XRCC4: variants seen among roughly 807,000 people sequenced by gnomAD.
XRCC4 encodes the protein X-ray repair cross complementing 4.
A neutral mutation model predicts 39.1 loss-of-function variants in XRCC4; 28 were observed. The ratio of observed to expected loss-of-function variants is 0.72; its 90% CI spans 0.53 to 0.98. The LOEUF (loss-of-function observed/expected upper bound fraction) is 0.98, where lower values mean the gene tolerates loss of function less well. XRCC4 is among the 50% of genes least tolerant of loss of function. The probability of loss-of-function intolerance (pLI) is 0.00; values close to 1 mark genes in which losing one functional copy is unlikely to be tolerated. For synonymous variants in XRCC4, 123 were observed against 126.4 expected (o/e 0.97, Z 0.18); for missense variants, 350 against 376.4 (o/e 0.93, Z 0.58).
chr5:83,353,722 A>G lies in XRCC4; in HGVS notation c.*480A>G, dbSNP rs1307956981. The G allele has an allele frequency of 2.6e-5, 4 of 152,198 alleles. No individual in the cohort carries two copies. The highest frequency in any genetic ancestry group is 6.5e-5 in the Admixed American group (1 of 15,274). The allele number at this position is 152,198 out of a possible 1,614,324, so 9.4% of individuals were successfully genotyped here. On this transcript the variant is annotated 3_prime_UTR_variant, in exon 8 of 8. Coordinates refer to ENST00000396027, the MANE Select transcript of XRCC4 (RefSeq NM_003401.5). ...ATATAATTTTAGTTTGTACATAAAC[A>G]TTGTGAAAATCTGATAATAAAATTT...
intron 3 of XRCC4, among the ~76,000 whole-genome samples, chr5:83,137,286 T>C (rs1181173758): frequency 6.6e-6 from 1 of 152,162 alleles, no homozygotes; most frequent in Non-Finnish European, 1.5e-5. Context: ...TCACTGATGA[T>C]AAATATCACA....
At chr5:83,189,138 A>G (rs147705654) in intron 3 of XRCC4, among the ~76,000 whole-genome samples, 3 of 152,344 alleles carry the variant, frequency 2.0e-5, no homozygotes, top group East Asian at 1.9e-4. Context: ...AAGCCAGGAT[A>G]TATACCCTAA....
At chr5:83,250,935 C>G (rs2112873440) in intron 6 of XRCC4, among the ~76,000 whole-genome samples, 1 of 152,292 alleles carries the variant, frequency 6.6e-6, no homozygotes. Flanking sequence ...TACCTTTGGA[C>G]TATTAAATTA....
intron 1 of XRCC4, among the ~76,000 whole-genome samples, chr5:83,087,998 G>A (rs1047937879): frequency 3.3e-5 from 5 of 152,128 alleles, no homozygotes; most frequent in African/African-American, 1.2e-4. Flanking sequence ...CAAGGCATTG[G>A]AATTGTATTG....
At chr5:83,125,200 T>C (rs1196823420) in intron 3 of XRCC4, among the ~76,000 whole-genome samples, 1 of 152,228 alleles carries the variant, frequency 6.6e-6, no homozygotes, top group Non-Finnish European at 1.5e-5. Context: ...GTATGTGTAA[T>C]GTGAAACTAT....
intron 6 of XRCC4, among the ~76,000 whole-genome samples, chr5:83,233,217 A>G (rs892702353): frequency 6.6e-6 from 1 of 152,206 alleles, no homozygotes; most frequent in Non-Finnish European, 1.5e-5. Flanking sequence ...AGAAACTTTC[A>G]TAGTTTAATA....
rs779962158 is a variant in XRCC4 at position 83,084,408 on chromosome 5, A to G, written c.-11+6793A>G. On this transcript the variant is annotated intron_variant, in intron 1 of 7. Coordinates refer to ENST00000396027, the MANE Select transcript of XRCC4 (RefSeq NM_003401.5). ...GATCAGGGTTCAATTGCAGACAGCAAATTTTTAATGTTGATGAAATTAGGC... is the reference window on the plus strand; with the variant it reads ...GATCAGGGTTCAATTGCAGACAGCAGATTTTTAATGTTGATGAAATTAGGC... 8.5e-5 allele frequency among the ~76,000 whole-genome samples: 13 copies of G among 152,328 alleles called. No homozygotes were observed. In the East Asian group the frequency reaches 9.6e-4, roughly 11 times the overall value.
rs1746481081 is a variant in XRCC4, at chr5:83,112,328, G to A, written c.315+1125G>A. 2.0e-5 allele frequency among the ~76,000 whole-genome samples: 3 copies of A among 152,312 alleles called. No individual in the cohort carries two copies. The South Asian group carries it at 6.2e-4, about 32-fold the overall frequency. ...TGATATTATATGTTACAGAAGTGCA[G>A]ACTCTTCTAATGTTTTGAAGCAGAT... On this transcript the variant is annotated intron_variant, in intron 3 of 7. Transcript: ENST00000396027.
At chr5:83,280,023 C>A in intron 7 of XRCC4, 1 of 198,522 alleles carries the variant, frequency 5.0e-6, no homozygotes. Context: ...TTTACAACTT[C>A]ATCAAAAAAC....
At chr5:83,103,682 A>C (rs1363667269) in intron 1 of XRCC4, among the ~76,000 whole-genome samples, 3 of 152,218 alleles carry the variant, frequency 2.0e-5, no homozygotes, top group East Asian at 3.8e-4. Flanking sequence ...TGGATAAATA[A>C]CCTGTCTTAT....
chr5:83,250,501 G>T (rs28360213), intron 6 of XRCC4, among the ~76,000 whole-genome samples: 4,586 of 152,184 alleles, frequency 0.03, 191 homozygotes, highest in African/African-American at 0.1. Context: ...TCTATCAGTG[G>T]ATAAGACAAA....
chr5:83,366,346 T>C, the XRCC4 span, among the ~76,000 whole-genome samples: 1 of 152,282 alleles, frequency 6.6e-6, no homozygotes, highest in East Asian at 1.9e-4. Flanking sequence ...ACAAGACGGA[T>C]CCTTGATTCA....
chr5:83,243,970 G>A, intron 6 of XRCC4, among the ~76,000 whole-genome samples: 1 of 152,128 alleles, frequency 6.6e-6, no homozygotes, highest in Non-Finnish European at 1.5e-5. Flanking sequence ...ATAGAGAATG[G>A]AGGAAGTAAT....
intron 3 of XRCC4, among the ~76,000 whole-genome samples, chr5:83,135,390 C>CG (rs1393315318): frequency 1.7e-5 from 2 of 115,192 alleles, no homozygotes; most frequent in Non-Finnish European, 3.7e-5. Context: ...AGGCAGTATG[C>CG]CTTTTTTTTT....
intron 3 of XRCC4, among the ~76,000 whole-genome samples, chr5:83,190,795 ACAT>A (rs532297628): frequency 4.1e-4 from 62 of 152,316 alleles, no homozygotes; most frequent in African/African-American, 1.2e-3. Flanking sequence ...ATATAACTAT[ACAT>A]TCTTTAAAAA....
At chr5:83,300,802 T>C (rs185355529) in intron 7 of XRCC4, among the ~76,000 whole-genome samples, 105 of 151,258 alleles carry the variant, frequency 6.9e-4, no homozygotes, top group African/African-American at 2.3e-3. Context: ...ATTGTTCAAC[T>C]TCCACTTATG....
At chr5:83,366,178 T>C in the XRCC4 span, among the ~76,000 whole-genome samples, 1 of 152,216 alleles carries the variant, frequency 6.6e-6, no homozygotes, top group Non-Finnish European at 1.5e-5. Context: ...CAAATATCTC[T>C]AAATCTCCAA....
chr5:83,170,638 G>A (rs1322891563), intron 3 of XRCC4, among the ~76,000 whole-genome samples: 1 of 152,132 alleles, frequency 6.6e-6, no homozygotes, highest in African/African-American at 2.4e-5. Context: ...GCCAGCAACA[G>A]ACAAGTTCCT....
intron 3 of XRCC4, among the ~76,000 whole-genome samples, chr5:83,146,275 G>T (rs1271469750): frequency 6.6e-6 from 1 of 152,158 alleles, no homozygotes; most frequent in East Asian, 1.9e-4. Context: ...GGTGAGATTT[G>T]TGAGACTAAA....
Sources: gnomAD v4.1 joint callset for allele counts (sites outside exome capture counted in the v4.1 genomes callset) on GRCh38, gnomAD v4.1.1 for gene constraint, MANE v1.5 for transcripts, NCBI Gene and HGNC (gene_info 2026-07-23, HGNC 2026-07-21) for gene names.